The following FAM117A variants were observed in gnomAD, a reference collection of about 807,000 sequenced individuals.
FAM117A encodes the protein family with sequence similarity 117 member A, also known as protein FAM117A.
FAM117A carries 21 observed loss-of-function variants against 44.1 expected under a neutral mutation model. That is an observed-to-expected ratio of 0.48 (90% CI 0.34 to 0.69). The LOEUF (loss-of-function observed/expected upper bound fraction) is 0.69. Among genes scored for constraint, FAM117A ranks in the 30% least tolerant of loss-of-function variants. The pLI is 0.01. For missense variants in FAM117A, 498 were observed against 589.9 expected, an observed-to-expected ratio of 0.84 and a Z score of 1.61; for synonymous variants, 220 against 238.3, an observed-to-expected ratio of 0.92 and a Z score of 0.71.
intron 1 of FAM117A, among the ~76,000 whole-genome samples, chr17:49,753,597 C>T (rs1221960611): frequency 6.6e-6 from 1 of 152,150 alleles, no homozygotes; most frequent in Non-Finnish European, 1.5e-5. Context: ...GGTTGGACCA[C>T]CTGAGGTCAG....
In FAM117A at chr17:49,750,497, G is replaced by A. The variant is rs370116261; in HGVS notation, c.196+13395C>T. ...CTTTAGAGATGAGCTATTACTGGCC[G>A]GGCATGGTGGCTCACGCCTGTAATC... is the stretch of plus-strand genomic sequence containing the variant. On this transcript the variant is annotated intron_variant, in intron 1 of 7. Transcript: ENST00000240364. Among the ~76,000 whole-genome samples, 5 of 151,466 alleles carry A rather than the reference G, an allele frequency of 3.3e-5. No homozygotes were observed. In the South Asian group the frequency reaches 1.0e-3, roughly 32 times the overall value.
intron 1 of FAM117A, among the ~76,000 whole-genome samples, chr17:49,777,583 T>A (rs990801385): frequency 2.7e-5 from 4 of 149,424 alleles, no homozygotes; most frequent in African/African-American, 9.8e-5. Flanking sequence ...TTTGGAGGAT[T>A]TTTTTTTTTA....
chr17:49,724,288 C>G, intron 2 of FAM117A: 1 of 452,422 alleles, frequency 2.2e-6, no homozygotes, highest in Non-Finnish European at 4.4e-6. Flanking sequence ...GCACCCCCCA[C>G]ACAAACCTGT....
rs1322716865 is a variant in FAM117A at position 49,711,415 on chromosome 17, C to A, written c.1202G>T (p.Cys401Phe). ...FPGMGFIFRN[C>F]PSNPGSPLPP... ...AAGGGGAGATCCCGGGTTTGAGGGG[C>A]AGTTACGGAAGATGAAGCCCATGCC... Residue 401 changes from cysteine (C) to phenylalanine (F), a missense_variant, in exon 8 of 8, where the codon TGC becomes TTC. Around this residue, in one of 3 missense-constraint regions of FAM117A, gnomAD observed 224 missense variants for 296.5 expected, o/e 0.76. Transcript: ENST00000240364. The A allele has an allele frequency of 6.2e-7, 1 of 1,613,230 alleles. No homozygotes were observed. Among genetic ancestry groups the A allele is most frequent in the African/African-American group, 1.3e-5 (1 of 74,882 alleles).
At chr17:49,747,872 G>T (rs2073659951) in intron 1 of FAM117A, among the ~76,000 whole-genome samples, 1 of 152,216 alleles carries the variant, frequency 6.6e-6, no homozygotes, top group South Asian at 2.1e-4. Context: ...CTTGCTGGTT[G>T]TTCAGATTTC....
chr17:49,727,601 G>A (rs1470992143), intron 2 of FAM117A, among the ~76,000 whole-genome samples: 2 of 152,158 alleles, frequency 1.3e-5, no homozygotes, highest in African/African-American at 4.8e-5. Context: ...AGCCTTGCCT[G>A]GGATTGAGAT....
intron 1 of FAM117A, among the ~76,000 whole-genome samples, chr17:49,759,215 A>G (rs2143781572): frequency 6.6e-6 from 1 of 152,374 alleles, no homozygotes; most frequent in South Asian, 2.1e-4. Context: ...TTCTCGTACT[A>G]TATAATCCTT....
chr17:49,776,647 TG>T (rs2143801927), intron 1 of FAM117A, among the ~76,000 whole-genome samples: 1 of 152,210 alleles, frequency 6.6e-6, no homozygotes, highest in South Asian at 2.1e-4. Flanking sequence ...CTTCCTACTT[TG>T]GGGGAGGAGA....
At chr17:49,764,836 T>C (rs972479653), upstream of FAM117A, among the ~76,000 whole-genome samples, 67 of 152,188 alleles carry the variant, frequency 4.4e-4, no homozygotes, top group African/African-American at 1.6e-3. Flanking sequence ...TACTTGGTGT[T>C]GATCCAACCT....
chr17:49,783,506 C>T (rs1443978784), intron 1 of FAM117A, among the ~76,000 whole-genome samples: 1 of 151,982 alleles, frequency 6.6e-6, no homozygotes, highest in African/African-American at 2.4e-5. Context: ...TGTGCCTGAG[C>T]CTGCTGGGAT....
intron 2 of FAM117A, among the ~76,000 whole-genome samples, chr17:49,727,264 C>T (rs964145073): frequency 1.3e-5 from 2 of 151,986 alleles, no homozygotes; most frequent in African/African-American, 2.4e-5. Flanking sequence ...AACAATTGGC[C>T]GGGCATGGTT....
At chr17:49,738,984 T>A (rs1438218347) in intron 1 of FAM117A, among the ~76,000 whole-genome samples, 2 of 151,874 alleles carry the variant, frequency 1.3e-5, no homozygotes, top group Non-Finnish European at 2.9e-5. Context: ...CAATGACATG[T>A]CTCGTGCCAC....
chr17:49,776,280 T>TA (rs555855880), intron 1 of FAM117A, among the ~76,000 whole-genome samples: 30 of 152,244 alleles, frequency 2.0e-4, no homozygotes, highest in African/African-American at 7.0e-4. Context: ...ACAGAGAGGT[T>TA]AAAAAATGTA....
intron 2 of FAM117A, among the ~76,000 whole-genome samples, chr17:49,731,378 T>C (rs2073584116): frequency 6.6e-6 from 1 of 152,260 alleles, no homozygotes; most frequent in African/African-American, 2.4e-5. Context: ...AAGGGAGATT[T>C]GACTCTTAAC....
intron 1 of FAM117A, among the ~76,000 whole-genome samples, chr17:49,788,126 G>A (rs917941223): frequency 1.3e-5 from 2 of 152,164 alleles, no homozygotes; most frequent in Admixed American, 6.5e-5. Flanking sequence ...GTTAGCTAAG[G>A]GCAAGGACAA....
chr17:49,747,974 A>G (rs2073660247), intron 1 of FAM117A, among the ~76,000 whole-genome samples: 1 of 152,140 alleles, frequency 6.6e-6, no homozygotes, highest in Non-Finnish European at 1.5e-5. Flanking sequence ...AGTGTTGAAG[A>G]TATCACATTG....
chr17:49,768,726 G>T (rs1337654391), upstream of FAM117A, among the ~76,000 whole-genome samples: 1 of 152,150 alleles, frequency 6.6e-6, no homozygotes, highest in Non-Finnish European at 1.5e-5. Context: ...ACAGAGTAGG[G>T]AGGGGGGTCC....
intron 1 of FAM117A, among the ~76,000 whole-genome samples, chr17:49,787,392 G>A (rs564890817): frequency 1.3e-5 from 2 of 152,340 alleles, no homozygotes; most frequent in East Asian, 1.9e-4. Flanking sequence ...TAAAAGCTAA[G>A]TATTAAATAC....
intron 1 of FAM117A, among the ~76,000 whole-genome samples, chr17:49,785,784 T>C (rs1465763236): frequency 6.6e-6 from 1 of 152,164 alleles, no homozygotes; most frequent in Non-Finnish European, 1.5e-5. Flanking sequence ...TTACAAAGAA[T>C]GAATTGGAAA....
Sources: allele counts gnomAD v4.1 joint callset (sites outside exome capture counted in the v4.1 genomes callset), GRCh38; gene constraint gnomAD v4.1.1; regional missense constraint gnomAD v4.1.1; transcripts MANE v1.5; gene names NCBI Gene and HGNC (gene_info 2026-07-23, HGNC 2026-07-21).